The following ALDH1L1 variants were observed in gnomAD, a reference collection of about 807,000 sequenced individuals.
ALDH1L1 encodes aldehyde dehydrogenase 1 family member L1, also known as cytosolic 10-formyltetrahydrofolate dehydrogenase.
In ALDH1L1, 68 loss-of-function variants were observed where a neutral mutation model predicts 101.1. That is an observed-to-expected ratio of 0.67 (90% CI 0.55 to 0.82). The LOEUF (loss-of-function observed/expected upper bound fraction) is 0.82, where lower values mean the gene tolerates loss of function less well. Ranked by LOEUF, ALDH1L1 falls within the 40% of genes least tolerant of loss-of-function variation. The pLI, the probability that ALDH1L1 is intolerant of heterozygous loss-of-function variation, is 0.00. For missense variants in ALDH1L1, 1,087 were observed against 1,172.7 expected (o/e 0.93, Z 1.07); for synonymous variants, 486 against 470.8 (o/e 1.03, Z -0.42).
chr3:126,172,261 A>C (rs982496137), intron 1 of ALDH1L1, among the ~76,000 whole-genome samples: 3 of 152,228 alleles, frequency 2.0e-5, no homozygotes, highest in Non-Finnish European at 4.4e-5. Context: ...ATATGGAAGC[A>C]ATGTTGGAAT....
At chr3:126,179,366 G>T (rs554653522) in intron 1 of ALDH1L1, among the ~76,000 whole-genome samples, 1 of 152,356 alleles carries the variant, frequency 6.6e-6, no homozygotes, top group Admixed American at 6.5e-5. Flanking sequence ...TAGGGCCCTG[G>T]GGCCCATGAA....
chr3:126,125,516 C>T (rs1388855417), intron 15 of ALDH1L1, 100 bp downstream of exon 15: 10 of 925,866 alleles, frequency 1.1e-5, no homozygotes, highest in Middle Eastern at 2.8e-4. Context: ...CTTCCAGTGC[C>T]CGTGTGGCCA....
intron 1 of ALDH1L1, among the ~76,000 whole-genome samples, chr3:126,164,996 C>T (rs2081137185): frequency 6.6e-6 from 1 of 152,026 alleles, no homozygotes. Context: ...TAAAATTTTC[C>T]TCATTTTAAT....
intron 16 of ALDH1L1, among the ~76,000 whole-genome samples, chr3:126,121,596 A>G (rs1292808534): frequency 6.6e-6 from 1 of 152,210 alleles, no homozygotes; most frequent in Non-Finnish European, 1.5e-5. Context: ...TCCCCAGGGA[A>G]ACCACTATCC....
chr3:126,108,636 C>T (rs1032443639), intron 20 of ALDH1L1, among the ~76,000 whole-genome samples: 1 of 152,210 alleles, frequency 6.6e-6, no homozygotes, highest in South Asian at 2.1e-4. Flanking sequence ...GTGCGGTGCC[C>T]GATGCCCTGT....
chr3:126,192,663 T>C (rs1489430388), intron 1 of ALDH1L1, among the ~76,000 whole-genome samples: 1 of 152,210 alleles, frequency 6.6e-6, no homozygotes, highest in African/African-American at 2.4e-5. Context: ...TTCACTTTTC[T>C]GAAAATGGCC....
At chr3:126,109,507 G>C (rs1005696865) in intron 20 of ALDH1L1, among the ~76,000 whole-genome samples, 2 of 152,190 alleles carry the variant, frequency 1.3e-5, no homozygotes, top group African/African-American at 4.8e-5. Flanking sequence ...TGCTGCAGGG[G>C]AGAGATCCTG....
At chr3:126,110,397 T>C (rs193141204) in intron 19 of ALDH1L1, 158 of 456,018 alleles carry the variant, frequency 3.5e-4, no homozygotes, top group African/African-American at 2.9e-3. Context: ...CCGGCATATT[T>C]GACTAGTTGA....
intron 1 of ALDH1L1, among the ~76,000 whole-genome samples, chr3:126,174,163 C>T (rs1216673851): frequency 6.6e-6 from 1 of 151,948 alleles, no homozygotes; most frequent in Non-Finnish European, 1.5e-5. Context: ...CTCAGCCGCC[C>T]GAGTAGCTAG....
chr3:126,111,882 C>T (rs967890545), intron 19 of ALDH1L1, among the ~76,000 whole-genome samples: 1 of 152,166 alleles, frequency 6.6e-6, no homozygotes. Flanking sequence ...GCTTGCTCCC[C>T]CCCTGGTATC....
intron 1 of ALDH1L1, among the ~76,000 whole-genome samples, chr3:126,175,928 G>A (rs565329672): frequency 6.6e-6 from 1 of 152,104 alleles, no homozygotes; most frequent in Non-Finnish European, 1.5e-5. Flanking sequence ...AACATAATTG[G>A]CTATGTGGAA....
rs9867101 is a variant in ALDH1L1 at position 126,178,210 on chromosome 3, T to C, written c.-24+2266A>G. ...AGCTTGGGCAACAAAGTGAGACCCA[T>C]CTCTACAAAAAAATTTTTAAATTAG... is the stretch of plus-strand genomic sequence containing the variant. On this transcript the variant is annotated intron_variant, in intron 1 of 22. Transcript: ENST00000393434. 4.0e-5 allele frequency among the ~76,000 whole-genome samples: 6 copies of C among 151,036 alleles called. No individual in the cohort carries two copies. The South Asian group carries it at 1.3e-3, about 32-fold the overall frequency.
chr3:126,112,370 G>T (rs1946106969), intron 19 of ALDH1L1, among the ~76,000 whole-genome samples: 1 of 152,124 alleles, frequency 6.6e-6, no homozygotes, highest in African/African-American at 2.4e-5. Flanking sequence ...GTGCTCCAGG[G>T]CCCCTGTCCA....
At chr3:126,157,994 C>T (rs1030247675) in intron 3 of ALDH1L1, among the ~76,000 whole-genome samples, 1 of 152,168 alleles carries the variant, frequency 6.6e-6, no homozygotes, top group Non-Finnish European at 1.5e-5. Context: ...TCTCTTTCTA[C>T]GAAGTGTGCT....
At chr3:126,174,060 C>T (rs1052111717) in intron 1 of ALDH1L1, among the ~76,000 whole-genome samples, 5 of 152,042 alleles carry the variant, frequency 3.3e-5, no homozygotes, top group East Asian at 3.9e-4. Context: ...TTTGGGGGGG[C>T]GGAGTTTCAC....
intron 1 of ALDH1L1, among the ~76,000 whole-genome samples, chr3:126,176,826 T>G (rs1177576325): frequency 2.0e-5 from 3 of 152,154 alleles, no homozygotes; most frequent in Non-Finnish European, 2.9e-5. Context: ...TAAAGCACTG[T>G]TATCCAAAAT....
At chr3:126,110,876 G>T (rs536512841) in intron 19 of ALDH1L1, among the ~76,000 whole-genome samples, 1 of 152,304 alleles carries the variant, frequency 6.6e-6, no homozygotes, top group East Asian at 1.9e-4. Flanking sequence ...AGCCTACTGA[G>T]CCTCCTGAAC....
intron 19 of ALDH1L1, among the ~76,000 whole-genome samples, chr3:126,112,209 T>C (rs1032414756): frequency 1.3e-5 from 2 of 152,184 alleles, no homozygotes; most frequent in African/African-American, 4.8e-5. Context: ...CACTGTCCTG[T>C]GCCCACCAGA....
At chr3:126,118,138 T>C (rs777468357) in intron 16 of ALDH1L1, 40 bp from the exon 17 acceptor site, 1 of 1,549,192 alleles carries the variant, frequency 6.5e-7, no homozygotes, top group Non-Finnish European at 8.9e-7. Context: ...GTGGTCCCCC[T>C]GGTGCTGGGG....
Sources: gnomAD v4.1 joint callset for allele counts (sites outside exome capture counted in the v4.1 genomes callset) on GRCh38, gnomAD v4.1.1 for gene constraint, MANE v1.5 for transcripts, NCBI Gene and HGNC (gene_info 2026-07-23, HGNC 2026-07-21) for gene names.